COL14A1: variants seen among roughly 807,000 people sequenced by gnomAD.
COL14A1 encodes the protein collagen alpha-1(XIV) chain.
A neutral mutation model predicts 230.3 loss-of-function variants in COL14A1; 136 were observed. The ratio of observed to expected loss-of-function variants is 0.59; its 90% CI spans 0.51 to 0.68. The LOEUF (loss-of-function observed/expected upper bound fraction) is 0.68, where lower values mean the gene tolerates loss of function less well. Ranked by LOEUF, COL14A1 falls within the 30% of genes least tolerant of loss-of-function variation. COL14A1 has a pLI of 0.00. For missense variants in COL14A1, 1,976 were observed against 2,215.8 expected (o/e 0.89, Z 2.17); for synonymous variants, 792 against 784.1 (o/e 1.01, Z -0.17).
rs138612865 is a variant in COL14A1 at position 120,270,126 on chromosome 8, A to G, written c.3165A>G (p.Leu1055=). 4.3e-6 allele frequency: 7 copies of G among 1,611,552 alleles called. No individual in the cohort carries two copies. Among genetic ancestry groups the G allele is most frequent in the Admixed American group, 3.3e-5 (2 of 59,742 alleles). ...DENFNKIISF[L]YSTVGALNKI... is the part of the protein sequence containing the mutation. ...ATTTCAATAAGATCATCAGCTTTCT[A>G]TACAGCACTGTTGGAGCCCTGAACA... The change falls in exon 26 of 48, where the codon CTA becomes CTG. Residue 1055 remains leucine, a synonymous_variant. Coordinates refer to ENST00000297848, the MANE Select transcript of COL14A1 (RefSeq NM_021110.4).
chr8:120,250,750 A>G lies in COL14A1; in HGVS notation c.2736A>G (p.Thr912=), dbSNP rs770187260. The G allele has an allele frequency of 5.0e-6, 8 of 1,614,028 alleles. No homozygotes were observed. Among genetic ancestry groups the G allele is most frequent in the South Asian group, 1.1e-5 (1 of 91,082 alleles). ...SQASGFSDAL[T]GMVKTLFLGV... is the part of the protein sequence containing the mutation. ...CCTCAGGCTTCAGCGACGCCCTGAC[A>G]GGCATGGTGAAAACATGTAAGAGCC... The change falls in exon 22 of 48, where the codon ACA becomes ACG. Residue 912 remains threonine (T), a synonymous_variant. Coordinates refer to ENST00000297848, the MANE Select transcript of COL14A1 (RefSeq NM_021110.4).
intron 2 of COL14A1, 144 bp from the exon 3 acceptor site, chr8:120,157,986 A>G: frequency 2.1e-6 from 1 of 470,394 alleles, no homozygotes. Context: ...CTCCCTCTCA[A>G]AAAGCATATG....
intron 14 of COL14A1, among the ~76,000 whole-genome samples, chr8:120,218,510 A>G (rs891691901): frequency 2.6e-5 from 4 of 152,066 alleles, no homozygotes; most frequent in Non-Finnish European, 5.9e-5. Context: ...GGGTTTCACC[A>G]TGTTGTGCAG....
intron 45 of COL14A1, among the ~76,000 whole-genome samples, chr8:120,359,235 C>A (rs1193629420): frequency 6.7e-6 from 1 of 150,280 alleles, no homozygotes; most frequent in Admixed American, 6.7e-5. Context: ...TTTCCCCCAA[C>A]CCCCTGACAG....
chr8:120,315,640 G>A (rs1821198114), intron 39 of COL14A1, 54 bp downstream of exon 39: 2 of 1,444,804 alleles, frequency 1.4e-6, no homozygotes, highest in Middle Eastern at 1.8e-4. Context: ...TTTGCCAAGG[G>A]GGAAAAAAAA....
At chr8:120,174,871 A>G (rs939145366) in intron 5 of COL14A1, among the ~76,000 whole-genome samples, 1 of 152,132 alleles carries the variant, frequency 6.6e-6, no homozygotes, top group African/African-American at 2.4e-5. Context: ...GTGGAGGGGC[A>G]TGCACTAGTG....
chr8:120,163,062 C>G (rs1815737535), intron 4 of COL14A1, among the ~76,000 whole-genome samples: 1 of 152,234 alleles, frequency 6.6e-6, no homozygotes, highest in Non-Finnish European at 1.5e-5. Flanking sequence ...ATAATGCCTG[C>G]ATCTCCTCTG....
At chr8:120,362,437 A>C (rs1013522572) in intron 45 of COL14A1, among the ~76,000 whole-genome samples, 11 of 152,200 alleles carry the variant, frequency 7.2e-5, no homozygotes, top group African/African-American at 2.4e-4. Flanking sequence ...CCATTCATTC[A>C]TCCATTGCTT....
chr8:120,172,731 T>C (rs1816135212), intron 5 of COL14A1, among the ~76,000 whole-genome samples: 1 of 152,186 alleles, frequency 6.6e-6, no homozygotes, highest in African/African-American at 2.4e-5. Flanking sequence ...CCTTGTCATC[T>C]CCCTTGCTAG....
intron 36 of COL14A1, among the ~76,000 whole-genome samples, chr8:120,308,974 T>C (rs1820940025): frequency 6.6e-6 from 1 of 152,138 alleles, no homozygotes; most frequent in South Asian, 2.1e-4. Context: ...GAGTCTCACT[T>C]TGCCGCCCAG....
intron 38 of COL14A1, among the ~76,000 whole-genome samples, chr8:120,314,815 A>T (rs960716063): frequency 3.3e-5 from 5 of 152,150 alleles, no homozygotes; most frequent in Non-Finnish European, 5.9e-5. Context: ...TACATGCCAG[A>T]TTCTGTGTTT....
chr8:120,219,731 T>G (rs1817871602), intron 14 of COL14A1, among the ~76,000 whole-genome samples: 1 of 152,200 alleles, frequency 6.6e-6, no homozygotes, highest in Admixed American at 6.5e-5. Flanking sequence ...TTTCTGTTAT[T>G]TGTCTTTGCA....
intron 13 of COL14A1, among the ~76,000 whole-genome samples, chr8:120,214,871 A>G (rs558535124): frequency 6.6e-5 from 10 of 152,192 alleles, no homozygotes; most frequent in Non-Finnish European, 1.3e-4. Flanking sequence ...CAGGTGGCAT[A>G]TGGTCAGAAA....
In COL14A1 at chr8:120,197,876, G is replaced by C; in HGVS notation, c.658G>C (p.Glu220Gln). Residue 220 changes from glutamate (E) to glutamine (Q), a missense_variant, in exon 7 of 48, where the codon GAA becomes CAA. Coordinates refer to ENST00000297848, the MANE Select transcript of COL14A1 (RefSeq NM_021110.4). ...WHLNAFSTKD[E>Q]VIEAVRNLPY... The stretch of plus-strand genomic sequence containing the variant: ...CTTGAATGCATTTAGCACAAAAGAT[G>C]AAGTGATTGAAGCTGTCCGAAACCT... 1 of 1,613,638 alleles carries C rather than the reference G, an allele frequency of 6.2e-7. No homozygotes were observed. The highest frequency in any genetic ancestry group is 8.5e-7 in the Non-Finnish European group (1 of 1,179,676).
At position 120,369,385 on chromosome 8, in the gene COL14A1, A is replaced by T; in HGVS notation, c.5211A>T (p.Pro1737=). Residue 1737 remains proline, a synonymous_variant, in exon 47 of 48, where the codon CCA becomes CCT. Transcript: ENST00000297848. Reference sequence around the variant, plus strand: ...CTGGGCCCCCTGGCTCTCCTGGACCAAGAGGCCCACCAGGTCATCTGGGGG... The same window carrying T: ...CTGGGCCCCCTGGCTCTCCTGGACCTAGAGGCCCACCAGGTCATCTGGGGG... ...GSPGPPGSPG[P]RGPPGHLGVP... 6.2e-7 allele frequency: 1 copy of T among 1,609,200 alleles called. No individual in the cohort carries two copies. The highest frequency in any genetic ancestry group is 8.5e-7 in the Non-Finnish European group (1 of 1,177,876).
At chr8:120,158,660 G>A (rs1815560094) in intron 3 of COL14A1, among the ~76,000 whole-genome samples, 1 of 152,098 alleles carries the variant, frequency 6.6e-6, no homozygotes, top group African/African-American at 2.4e-5. Flanking sequence ...GTGAAAATAA[G>A]TGATAAGGCA....
At position 120,289,633 on chromosome 8, in the gene COL14A1, T is replaced by C. The variant is rs1464081956; in HGVS notation, c.4103T>C (p.Leu1368Ser). 6.2e-7 allele frequency: 1 copy of C among 1,613,910 alleles called. No individual in the cohort carries two copies. Among genetic ancestry groups the C allele is most frequent in the East Asian group, 2.2e-5 (1 of 44,870 alleles). The change falls in exon 34 of 48, where the codon TTG becomes TCG. Residue 1368 changes from leucine to serine, a missense_variant. By Grantham distance (145) the Leu-to-Ser change is moderately radical (BLOSUM62 -2). Transcript: ENST00000297848. Reference protein sequence around the residue: ...HKLHIVVSETLVKVVIDCKQV... With the variant: ...HKLHIVVSETSVKVVIDCKQV... ...CTACACATTGTTGTCAGTGAGACTT[T>C]GGTCAAAGTGGTTATTGACTGCAAG...
intron 24 of COL14A1, among the ~76,000 whole-genome samples, chr8:120,264,905 A>G (rs1201319943): frequency 6.6e-6 from 1 of 152,130 alleles, no homozygotes; most frequent in African/African-American, 2.4e-5. Context: ...AGCTTCTCCT[A>G]TCCTTGACCC....
intron 1 of COL14A1, among the ~76,000 whole-genome samples, chr8:120,145,143 G>A (rs2130452166): frequency 6.6e-6 from 1 of 152,266 alleles, no homozygotes. Context: ...CATTTTACTG[G>A]TTATGAAAAA....
Sources: gnomAD v4.1 joint callset for allele counts (sites outside exome capture counted in the v4.1 genomes callset) on GRCh38, gnomAD v4.1.1 for gene constraint, MANE v1.5 for transcripts, NCBI Gene and HGNC (gene_info 2026-07-23, HGNC 2026-07-21) for gene names.